Variants in NAPSA observed in about 807,000 individuals in gnomAD.
NAPSA encodes napsin A aspartic peptidase.
A neutral mutation model predicts 36.7 loss-of-function variants in NAPSA; 37 were observed. That is an observed-to-expected ratio of 1.01 (90% CI 0.78 to 1.33). The LOEUF is 1.33. NAPSA is among the 40% of genes most tolerant of loss of function. The pLI is 0.00. For missense variants in NAPSA, 532 were observed against 543.8 expected (o/e 0.98, Z 0.21); for synonymous variants, 222 against 234.5 (o/e 0.95, Z 0.49).
chr19:50,367,308 T>C (rs569400647), upstream of NAPSA, among the ~76,000 whole-genome samples: 5 of 152,314 alleles, frequency 3.3e-5, no homozygotes, highest in African/African-American at 1.2e-4. Flanking sequence ...ACAAGGCTTG[T>C]TTGTACCTGT....
rs746693112 is a variant in NAPSA at position 50,361,697 on chromosome 19, C to T, written c.434G>A (p.Arg145Gln). Residue 145 changes from arginine to glutamine, a missense_variant, in exon 4 of 9, where the codon CGG becomes CAG. Arg to Gln is a conservative substitution (Grantham distance 43, BLOSUM62 1). Transcript: ENST00000253719. The part of the protein sequence containing the change: ...TKFAIQYGTG[R>Q]VDGILSEDKL... ...GTCCTCGCTCAGGATTCCATCTACC[C>T]GCCCAGTTCCATATTGAATGGCAAA... is the stretch of plus-strand genomic sequence containing the variant. 13 of 1,613,906 alleles carry T rather than the reference C, an allele frequency of 8.1e-6. No homozygotes were observed. The highest frequency in any genetic ancestry group is 6.7e-5 in the African/African-American group (5 of 74,874).
Position 50,358,655 on chromosome 19 carries a change from G to A in NAPSA, c.1161C>T (p.Arg387=), listed in dbSNP as rs2037427268. 2 of 1,613,128 alleles carry A rather than the reference G, an allele frequency of 1.2e-6. No homozygotes were observed. ...CCCGGGCGCTGCTCTTCATGTCCCC[G>A]CGGTCGAAGACGGCCACATACGTCC... is the stretch of plus-strand genomic sequence containing the variant. ...FLGTYVAVFD[R]GDMKSSARVG... The change falls in exon 9 of 9, where the codon CGC becomes CGT. Residue 387 remains arginine, a synonymous_variant. Transcript: ENST00000253719.
At chr19:50,368,031 G>A (rs928607364), upstream of NAPSA, among the ~76,000 whole-genome samples, 10 of 151,884 alleles carry the variant, frequency 6.6e-5, no homozygotes, top group African/African-American at 2.4e-4. Context: ...GGTGGTCAGC[G>A]CCTGTAATCC....
At position 50,359,501 on chromosome 19, in the gene NAPSA, A is replaced by G; in HGVS notation, c.936+2T>C. On this transcript the variant is annotated splice_donor_variant, in intron 7 of 8. Transcript: ENST00000253719. LOFTEE classifies it high-confidence loss of function. ...CCCGTACCCACCAGACTGGGACCTC[A>G]CCTCCCCAGCCAGCAAGGGGATTCC... The G allele has an allele frequency of 6.2e-7, 1 of 1,613,466 alleles. No homozygotes were observed. Among genetic ancestry groups the G allele is most frequent in the African/African-American group, 1.3e-5 (1 of 74,822 alleles).
rs1207336184 is a variant in NAPSA at position 50,360,575 on chromosome 19, G to A, written c.668+366C>T. On this transcript the variant is annotated intron_variant, in intron 5 of 8. Coordinates refer to ENST00000253719, the MANE Select transcript of NAPSA (RefSeq NM_004851.3). ...GACTTCTGGTCAGTGTTCTCAAATG[G>A]GATTTGAGCATTCTTTGTGAGGAAG... Among the ~76,000 whole-genome samples, 24 of 152,124 alleles carry A rather than the reference G, an allele frequency of 1.6e-4. 1 individual carries two copies. Among genetic ancestry groups the A allele is most frequent in the Admixed American group, 1.6e-3 (24 of 15,262 alleles).
chr19:50,364,442 C>A (rs1342024825), intron 1 of NAPSA, among the ~76,000 whole-genome samples: 1 of 151,492 alleles, frequency 6.6e-6, no homozygotes, highest in Non-Finnish European at 1.5e-5. Flanking sequence ...TGTGAAACCC[C>A]ATCTCTACTA....
chr19:50,363,809 C>T (rs2037506730), intron 1 of NAPSA, among the ~76,000 whole-genome samples: 1 of 152,098 alleles, frequency 6.6e-6, no homozygotes, highest in South Asian at 2.1e-4. Flanking sequence ...AAACAAGCTT[C>T]CCACCTTGGA....
chr19:50,359,457 C>T (rs1338648191), intron 7 of NAPSA, 46 bp downstream of exon 7: 3 of 1,610,986 alleles, frequency 1.9e-6, no homozygotes, highest in Non-Finnish European at 1.7e-6. Context: ...CACTGTCAAA[C>T]TGCCATCAGC....
chr19:50,368,270 G>A (rs544821190), upstream of NAPSA, among the ~76,000 whole-genome samples: 40 of 152,008 alleles, frequency 2.6e-4, no homozygotes, highest in African/African-American at 8.7e-4. Flanking sequence ...CAGGAGGATC[G>A]CTTGCGCCTG....
chr19:50,361,357 T>G (rs2037470282), intron 4 of NAPSA: 3 of 585,790 alleles, frequency 5.1e-6, no homozygotes, highest in Non-Finnish European at 9.0e-6. Flanking sequence ...AGGAAGCTCC[T>G]CCCCTGCTTG....
intron 5 of NAPSA, among the ~76,000 whole-genome samples, chr19:50,360,446 G>T (rs1011161178): frequency 6.6e-6 from 1 of 152,138 alleles, no homozygotes; most frequent in Non-Finnish European, 1.5e-5. Flanking sequence ...AGGGAAAGTG[G>T]AGACTTCTTG....
At chr19:50,366,986 A>G (rs944873933), upstream of NAPSA, among the ~76,000 whole-genome samples, 7 of 152,066 alleles carry the variant, frequency 4.6e-5, no homozygotes, top group Non-Finnish European at 1.0e-4. Context: ...GGCGCATGCC[A>G]GCTAGTTTTT....
rs1355079654 is a variant in NAPSA, at chr19:50,361,711, T to C, written c.420A>G (p.Gln140=). ...FQANGTKFAI[Q]YGTGRVDGIL... is the part of the protein sequence containing the mutation. ...TTCCATCTACCCGCCCAGTTCCATA[T>C]TGAATGGCAAACTTGGTCCCATTGG... The change falls in exon 4 of 9, where the codon CAA becomes CAG. Residue 140 remains glutamine (Q), a synonymous_variant. Transcript: ENST00000253719. The C allele has an allele frequency of 2.5e-6, 4 of 1,613,974 alleles. No homozygotes were observed. Among genetic ancestry groups the C allele is most frequent in the Non-Finnish European group, 3.4e-6 (4 of 1,180,020 alleles).
intron 4 of NAPSA, 74 bp downstream of exon 4, chr19:50,361,589 C>G: frequency 7.4e-7 from 1 of 1,348,590 alleles, no homozygotes; most frequent in Non-Finnish European, 1.1e-6. Flanking sequence ...CCTCGAGCCT[C>G]TTCCTAAGCC....
chr19:50,365,436 TG>T, intron 1 of NAPSA, 102 bp downstream of exon 1: 1 of 1,099,656 alleles, frequency 9.1e-7, no homozygotes, highest in Non-Finnish European at 1.4e-6. Context: ...CTAGGGATCC[TG>T]GGTGCCAAGT....
intron 1 of NAPSA, among the ~76,000 whole-genome samples, chr19:50,364,991 CAAATAATAATAATAATAAT>C (rs1433745077): frequency 3.3e-5 from 4 of 119,766 alleles, no homozygotes; most frequent in African/African-American, 1.1e-4. Flanking sequence ...GACTCTGTCT[CAAATAATAATAATAATAAT>C]AAATAATAAT....
At chr19:50,359,359 C>T in intron 7 of NAPSA, 144 bp downstream of exon 7, 3 of 1,149,212 alleles carry the variant, frequency 2.6e-6, no homozygotes, top group Non-Finnish European at 2.5e-6. Flanking sequence ...CTCCACCACC[C>T]TCCAGACTAT....
chr19:50,358,548 G>GA lies in NAPSA; in HGVS notation c.*4_*5insT, dbSNP rs1479560156. 2.5e-6 allele frequency: 4 copies of GA among 1,580,994 alleles called. No homozygotes were observed. The highest frequency in any genetic ancestry group is 3.4e-6 in the Non-Finnish European group (4 of 1,163,932). The stretch of plus-strand genomic sequence containing the variant: ...CACCCGCTGCGCATGCGCTTCACTT[G>GA]GGCGTCACCCGGGGAACTGCGCCTG... On this transcript the variant is annotated 3_prime_UTR_variant, in exon 9 of 9. Transcript: ENST00000253719.
intron 7 of NAPSA, 126 bp downstream of exon 7, chr19:50,359,377 G>T (rs528656320): frequency 2.3e-6 from 3 of 1,289,978 alleles, no homozygotes; most frequent in East Asian, 2.5e-5. Flanking sequence ...TATCTGTCAC[G>T]AAGTCCAGTG....
Sources: gnomAD v4.1 joint callset for allele counts (sites outside exome capture counted in the v4.1 genomes callset) on GRCh38, gnomAD v4.1.1 for gene constraint, MANE v1.5 for transcripts, NCBI Gene and HGNC (gene_info 2026-07-23, HGNC 2026-07-21) for gene names.